Variants in SPTSSA observed in about 807,000 individuals in gnomAD.
SPTSSA encodes the protein serine palmitoyltransferase small subunit A.
SPTSSA carries 8 observed loss-of-function variants against 9.1 expected under a neutral mutation model. That is an observed-to-expected ratio of 0.88 (90% CI 0.51 to 1.58). The LOEUF (loss-of-function observed/expected upper bound fraction) is 1.58, where lower values mean the gene tolerates loss of function less well. SPTSSA is among the 40% of genes most tolerant of loss of function. The pLI, the probability that SPTSSA is intolerant of heterozygous loss-of-function variation, is 0.00. For missense variants in SPTSSA, 100 were observed against 93.8 expected, an observed-to-expected ratio of 1.07 and a Z score of -0.27; for synonymous variants, 42 against 37.7, an observed-to-expected ratio of 1.11 and a Z score of -0.41.
chr14:34,440,246 C>T (rs1447409168), intron 1 of SPTSSA, among the ~76,000 whole-genome samples: 1 of 152,194 alleles, frequency 6.6e-6, no homozygotes, highest in Non-Finnish European at 1.5e-5. Flanking sequence ...ATGCTTTCTA[C>T]ATATTCCTCA....
intron 1 of SPTSSA, among the ~76,000 whole-genome samples, chr14:34,450,844 TG>T (rs959663146): frequency 2.0e-5 from 3 of 152,138 alleles, no homozygotes; most frequent in African/African-American, 7.2e-5. Context: ...AAGGGCTGAA[TG>T]AACAATCAGA....
chr14:34,454,751 A>G (rs1167623016), intron 1 of SPTSSA, among the ~76,000 whole-genome samples: 1 of 152,114 alleles, frequency 6.6e-6, no homozygotes, highest in African/African-American at 2.4e-5. Context: ...CCTCCCTTAT[A>G]AATGTATTCA....
At chr14:34,444,700 C>T (rs1207109822) in intron 1 of SPTSSA, among the ~76,000 whole-genome samples, 3 of 149,790 alleles carry the variant, frequency 2.0e-5, no homozygotes, top group African/African-American at 4.9e-5. Context: ...TGCAGTGAGT[C>T]GAGATCGCAC....
chr14:34,435,106 C>T lies in SPTSSA; in HGVS notation c.*95G>A, dbSNP rs1192278939. 3.5e-6 allele frequency: 3 copies of T among 864,452 alleles called. No individual in the cohort carries two copies. The highest frequency in any genetic ancestry group is 5.4e-6 in the Non-Finnish European group (3 of 552,468). 53.5% of individuals were successfully genotyped at this position (864,452 alleles called of 1,614,324 possible). A position where few individuals can be genotyped will look rare whatever the true frequency, so the allele number is the denominator to read the frequency against. ...GTCTTTATAAGGTTGGTTATGTTGA[C>T]ATCTAGAAGAGTTTCTTATCACATC... is the stretch of plus-strand genomic sequence containing the variant. On this transcript the variant is annotated 3_prime_UTR_variant, in exon 2 of 2. Coordinates refer to ENST00000298130, the MANE Select transcript of SPTSSA (RefSeq NM_138288.4).
intron 1 of SPTSSA, among the ~76,000 whole-genome samples, chr14:34,448,601 G>T (rs1883466002): frequency 4.6e-5 from 7 of 152,270 alleles, no homozygotes; most frequent in Non-Finnish European, 8.8e-5. Context: ...TCCTCTAGAG[G>T]ATATTTAAAC....
rs368843188 is a variant in SPTSSA, at chr14:34,458,000, G to C, written c.112+4096C>G. On this transcript the variant is annotated intron_variant, in intron 1 of 1. Transcript: ENST00000298130. ...AAAAAAAAAAAAAAAACAAAGAAAA[G>C]AAAAGAAAAGACAGATGGTATATAG... 4.5e-5 allele frequency among the ~76,000 whole-genome samples: 6 copies of C among 134,024 alleles called. No homozygotes were observed. The South Asian group carries it at 1.4e-3, about 32-fold the overall frequency. The allele number at this position is 134,024 out of a possible 152,430, so 87.9% of individuals were successfully genotyped here. A position where few individuals can be genotyped will look rare whatever the true frequency, so the allele number is the denominator to read the frequency against.
intron 1 of SPTSSA, among the ~76,000 whole-genome samples, chr14:34,452,342 ATAT>A (rs1883545263): frequency 6.6e-6 from 1 of 152,136 alleles, no homozygotes; most frequent in East Asian, 1.9e-4. Context: ...CAAGTGGAAA[ATAT>A]TATACTGTCA....
intron 1 of SPTSSA, among the ~76,000 whole-genome samples, chr14:34,439,087 G>T (rs554051525): frequency 6.6e-6 from 1 of 152,264 alleles, no homozygotes; most frequent in Non-Finnish European, 1.5e-5. Flanking sequence ...GGGGAAATAA[G>T]CTAAGTAGGG....
At chr14:34,448,964 T>TG in intron 1 of SPTSSA, among the ~76,000 whole-genome samples, 1 of 152,188 alleles carries the variant, frequency 6.6e-6, no homozygotes, top group African/African-American at 2.4e-5. Flanking sequence ...CACACGGCTG[T>TG]ACTCCAGCCT....
At position 34,462,136 on chromosome 14, in the gene SPTSSA, C is replaced by T. The variant is rs1487508961; in HGVS notation, c.72G>A (p.Thr24=). Residue 24 remains threonine, a synonymous_variant, in exon 1 of 2, where the codon ACG becomes ACA. Transcript: ENST00000298130. ...SWFYYQYLLV[T]ALYMLEPWER... ...CCCAGGGCTCCAGCATGTAGAGCGC[C>T]GTGACCAGCAGGTACTGGTAGTAGA... The T allele has an allele frequency of 1.3e-6, 2 of 1,531,792 alleles. No homozygotes were observed. The highest frequency in any genetic ancestry group is 1.2e-5 in the South Asian group (1 of 86,380). The allele number at this position is 1,531,792 out of a possible 1,614,324, so 94.9% of individuals were successfully genotyped here.
Position 34,443,168 on chromosome 14 carries a change from TG to T in SPTSSA, c.113-7865del, listed in dbSNP as rs1566422823. 2.9e-3 allele frequency among the ~76,000 whole-genome samples: 252 copies of T among 86,020 alleles called. 31 individuals carry two copies. Among genetic ancestry groups the T allele is most frequent in the African/African-American group, 0.018 (219 of 12,244 alleles). 56.4% of individuals were successfully genotyped at this position (86,020 alleles called of 152,430 possible). A position where few individuals can be genotyped will look rare whatever the true frequency, so the allele number is the denominator to read the frequency against. On this transcript the variant is annotated intron_variant, in intron 1 of 1. Coordinates refer to ENST00000298130, the MANE Select transcript of SPTSSA (RefSeq NM_138288.4). ...GTGTGTGTGTGTGTGTGTGTGTGTG[TG>T]TGTTTTGAGATTGAGTTTTCCTCTA... is the stretch of plus-strand genomic sequence containing the variant.
At chr14:34,442,021 G>A (rs557622173) in intron 1 of SPTSSA, among the ~76,000 whole-genome samples, 9 of 152,094 alleles carry the variant, frequency 5.9e-5, no homozygotes, top group South Asian at 2.1e-4. Context: ...GATTACAGGC[G>A]CCCGCCACCA....
chr14:34,434,146 AT>A lies in SPTSSA; in HGVS notation c.*1054del, dbSNP rs1444618751. The A allele has an allele frequency of 1.3e-5, 2 of 152,328 alleles. No individual in the cohort carries two copies. The highest frequency in any genetic ancestry group is 2.9e-5 in the Non-Finnish European group (2 of 68,028). The allele number at this position is 152,328 out of a possible 1,614,324, so 9.4% of individuals were successfully genotyped here. ...AATATTTAACCATCAAGGAAAAGATATACTGCTACATCAGCTGATTTTTTTT... is the reference window on the plus strand; with the variant it reads ...AATATTTAACCATCAAGGAAAAGATAACTGCTACATCAGCTGATTTTTTTT... On this transcript the variant is annotated 3_prime_UTR_variant, in exon 2 of 2. Transcript: ENST00000298130.
intron 1 of SPTSSA, among the ~76,000 whole-genome samples, chr14:34,449,071 C>T (rs777522231): frequency 6.6e-6 from 1 of 152,002 alleles, no homozygotes; most frequent in Non-Finnish European, 1.5e-5. Flanking sequence ...AAGCACATAA[C>T]AGGACAGTGA....
rs1441207004 is a variant in SPTSSA, at chr14:34,435,187, T to C, written c.*14A>G. On this transcript the variant is annotated 3_prime_UTR_variant, in exon 2 of 2. Coordinates refer to ENST00000298130, the MANE Select transcript of SPTSSA (RefSeq NM_138288.4). Reference sequence around the variant, plus strand: ...GTCTTCCCCAAGGAACCTCTGATCCTGGTCGCATCTTGGTCATTGTACGAT... The same window carrying C: ...GTCTTCCCCAAGGAACCTCTGATCCCGGTCGCATCTTGGTCATTGTACGAT... The C allele has an allele frequency of 1.9e-6, 3 of 1,607,068 alleles. No homozygotes were observed. Among genetic ancestry groups the C allele is most frequent in the Non-Finnish European group, 2.6e-6 (3 of 1,174,610 alleles).
At position 34,462,176 on chromosome 14, in the gene SPTSSA, T is replaced by A. The variant is rs769164944; in HGVS notation, c.32A>T (p.Lys11Met). The A allele has an allele frequency of 6.5e-7, 1 of 1,531,630 alleles. No homozygotes were observed. The highest frequency in any genetic ancestry group is 8.8e-7 in the Non-Finnish European group (1 of 1,134,964). 94.9% of individuals were successfully genotyped at this position (1,531,630 alleles called of 1,614,324 possible). A position where few individuals can be genotyped will look rare whatever the true frequency, so the allele number is the denominator to read the frequency against. Residue 11 changes from lysine to methionine, a missense_variant, in exon 1 of 2, where the codon AAG becomes ATG. Transcript: ENST00000298130. The stretch of plus-strand genomic sequence containing the variant: ...CTGGTAGTAGAACCAGGACATCTGC[T>A]TCCAGGCCCGCGCCAGCGCCATCCC... MAGMALARAW[K>M]QMSWFYYQYL...
intron 1 of SPTSSA, among the ~76,000 whole-genome samples, chr14:34,459,914 T>C (rs1010801297): frequency 2.6e-5 from 4 of 152,210 alleles, no homozygotes; most frequent in African/African-American, 9.7e-5. Context: ...GATGATTAAG[T>C]TGAATGTAAT....
At chr14:34,441,587 G>A (rs2138819654) in intron 1 of SPTSSA, among the ~76,000 whole-genome samples, 1 of 152,210 alleles carries the variant, frequency 6.6e-6, no homozygotes, top group East Asian at 1.9e-4. Flanking sequence ...CAGCCAGGAA[G>A]AAGAGGTAAA....
intron 1 of SPTSSA, among the ~76,000 whole-genome samples, chr14:34,449,526 C>T (rs1389537643): frequency 5.2e-5 from 6 of 116,396 alleles, no homozygotes; most frequent in African/African-American, 1.8e-4. Context: ...TTTTTTGAGA[C>T]AATTTCTTGC....
Sources: allele counts gnomAD v4.1 joint callset (sites outside exome capture counted in the v4.1 genomes callset), GRCh38; gene constraint gnomAD v4.1.1; transcripts MANE v1.5; gene names NCBI Gene and HGNC (gene_info 2026-07-23, HGNC 2026-07-21).